The following COG5 variants were observed in gnomAD, a reference collection of about 807,000 sequenced individuals.
The protein encoded by COG5 is conserved oligomeric Golgi complex subunit 5.
COG5 carries 86 observed loss-of-function variants against 110.4 expected under a neutral mutation model. The ratio of observed to expected loss-of-function variants is 0.78; its 90% confidence interval spans 0.65 to 0.93. COG5 has a LOEUF of 0.93. COG5 is among the 40% of genes least tolerant of loss of function. COG5 has a pLI of 0.00. For missense variants in COG5, 1,077 were observed against 987.0 expected, an observed-to-expected ratio of 1.09 and a Z score of -1.22; for synonymous variants, 360 against 334.6, an observed-to-expected ratio of 1.08 and a Z score of -0.83.
At chr7:107,526,308 C>G (rs913139346) in intron 6 of COG5, among the ~76,000 whole-genome samples, 1 of 152,142 alleles carries the variant, frequency 6.6e-6, no homozygotes, top group Admixed American at 6.5e-5. Flanking sequence ...AACCACCAAG[C>G]CACATTAAAA....
intron 6 of COG5, among the ~76,000 whole-genome samples, chr7:107,419,358 C>A (rs79564258): frequency 0.17 from 25,563 of 151,642 alleles, 2,406 homozygotes; most frequent in Non-Finnish European, 0.21. Flanking sequence ...ATAATTTAAA[C>A]AAAATTAATG....
intron 3 of COG5, among the ~76,000 whole-genome samples, chr7:107,549,973 T>C (rs1323943045): frequency 2.0e-5 from 3 of 152,164 alleles, no homozygotes; most frequent in African/African-American, 7.2e-5. Flanking sequence ...TCTTTATATA[T>C]CTGCCTATGT....
At chr7:107,299,087 T>A (rs532840937) in intron 11 of COG5, among the ~76,000 whole-genome samples, 160 of 152,066 alleles carry the variant, frequency 1.1e-3, no homozygotes, top group Non-Finnish European at 1.9e-3. Context: ...GAAGAAAAGT[T>A]TCAAATCAAT....
chr7:107,319,483 A>C (rs1379576482), intron 11 of COG5, among the ~76,000 whole-genome samples: 1 of 152,186 alleles, frequency 6.6e-6, no homozygotes, highest in African/African-American at 2.4e-5. Context: ...TTGTGTGTGC[A>C]GCTGTCTGGA....
intron 3 of COG5, among the ~76,000 whole-genome samples, chr7:107,550,076 C>G (rs1019903690): frequency 6.6e-6 from 1 of 152,128 alleles, no homozygotes; most frequent in African/African-American, 2.4e-5. Flanking sequence ...GCCCTACCCC[C>G]CAACCTATCA....
At chr7:107,563,570 T>G (rs1804173307) in intron 1 of COG5, 20 of 431,698 alleles carry the variant, frequency 4.6e-5, no homozygotes, top group South Asian at 1.7e-4. Context: ...CGAGTTGAAA[T>G]GAGGAACACA....
intron 5 of COG5, among the ~76,000 whole-genome samples, chr7:107,529,235 A>ATT (rs1801001058): frequency 6.6e-6 from 1 of 152,160 alleles, no homozygotes; most frequent in Non-Finnish European, 1.5e-5. Context: ...AATCACTGTT[A>ATT]TTGTTGCAGG....
intron 6 of COG5, among the ~76,000 whole-genome samples, chr7:107,466,467 G>C (rs1161876030): frequency 5.3e-5 from 8 of 152,154 alleles, no homozygotes; most frequent in African/African-American, 1.7e-4. Flanking sequence ...GGAAGGATGG[G>C]AAAGAATGGC....
chr7:107,261,296 T>C (rs62483641), intron 14 of COG5, among the ~76,000 whole-genome samples: 29,290 of 151,986 alleles, frequency 0.19, 3,358 homozygotes, highest in East Asian at 0.32. Context: ...TTTTATCCTG[T>C]TTGCTTTATC....
intron 8 of COG5, among the ~76,000 whole-genome samples, chr7:107,364,745 A>G (rs575101468): frequency 7.6e-4 from 115 of 152,308 alleles, no homozygotes; most frequent in Middle Eastern, 3.4e-3. Flanking sequence ...AACAATTCAG[A>G]AAAGAATTAC....
intron 14 of COG5, among the ~76,000 whole-genome samples, chr7:107,276,690 C>T (rs1275627486): frequency 6.6e-6 from 1 of 152,092 alleles, no homozygotes; most frequent in Non-Finnish European, 1.5e-5. Flanking sequence ...ACTGTAAGGT[C>T]TAGTGACCTT....
intron 10 of COG5, among the ~76,000 whole-genome samples, chr7:107,332,911 C>T (rs1185271423): frequency 2.0e-5 from 3 of 151,960 alleles, no homozygotes; most frequent in South Asian, 4.1e-4. Flanking sequence ...AATCAAAAAA[C>T]AAAAGTGAAA....
intron 5 of COG5, among the ~76,000 whole-genome samples, chr7:107,545,714 A>C (rs1483021839): frequency 7.3e-6 from 1 of 136,320 alleles, no homozygotes; most frequent in South Asian, 2.5e-4. Flanking sequence ...TGGGAGGTGG[A>C]GGTTGCAGTG....
chr7:107,492,787 G>T lies in COG5; in HGVS notation c.538+34450C>A, dbSNP rs1035126842. On this transcript the variant is annotated intron_variant, in intron 6 of 21. Coordinates refer to ENST00000297135, the MANE Select transcript of COG5 (RefSeq NM_006348.5). ...CCATCTCAAAGCCTATAATTTAAAC[G>T]TACCTGCCAAGACCCTTTTGCAATG... is the stretch of plus-strand genomic sequence containing the variant. 2.0e-5 allele frequency among the ~76,000 whole-genome samples: 3 copies of T among 151,986 alleles called. No individual in the cohort carries two copies. In the East Asian group the frequency reaches 5.8e-4, roughly 29 times the overall value.
In COG5 at chr7:107,344,497, T is replaced by A. The variant is rs548058735; in HGVS notation, c.1026+17536A>T. On this transcript the variant is annotated intron_variant, in intron 10 of 21. Coordinates refer to ENST00000297135, the MANE Select transcript of COG5 (RefSeq NM_006348.5). ...TCTATTCAGACCACTCAAACTTTTG[T>A]CATATCAGCAATAAGATTGTTTTAC... Among the ~76,000 whole-genome samples the A allele has an allele frequency of 2.0e-5, 3 of 152,290 alleles. No homozygotes were observed. In the South Asian group the frequency reaches 6.2e-4, roughly 32 times the overall value.
intron 10 of COG5, among the ~76,000 whole-genome samples, chr7:107,337,896 A>C (rs767661211): frequency 6.6e-6 from 1 of 152,308 alleles, no homozygotes; most frequent in African/African-American, 2.4e-5. Flanking sequence ...AGAAAATATC[A>C]TAAGTACCCC....
intron 21 of COG5, among the ~76,000 whole-genome samples, chr7:107,207,302 C>T (rs940046512): frequency 6.6e-6 from 1 of 152,148 alleles, no homozygotes; most frequent in African/African-American, 2.4e-5. Flanking sequence ...TTCCCTCCAT[C>T]GATGGAGATC....
At chr7:107,451,127 A>C (rs1795307011) in intron 6 of COG5, among the ~76,000 whole-genome samples, 1 of 152,218 alleles carries the variant, frequency 6.6e-6, no homozygotes, top group African/African-American at 2.4e-5. Flanking sequence ...AAAAGCCATG[A>C]AAACCATCAG....
At chr7:107,307,472 T>C (rs1334508001) in intron 11 of COG5, among the ~76,000 whole-genome samples, 2 of 152,222 alleles carry the variant, frequency 1.3e-5, no homozygotes, top group Non-Finnish European at 2.9e-5. Flanking sequence ...ATCCATCACT[T>C]AGTTTCAGCA....
Sources: allele counts gnomAD v4.1 joint callset (sites outside exome capture counted in the v4.1 genomes callset), GRCh38; gene constraint gnomAD v4.1.1; transcripts MANE v1.5; gene names NCBI Gene and HGNC (gene_info 2026-07-23, HGNC 2026-07-21).